The following SLC24A2 variants were observed in gnomAD, a reference collection of about 807,000 sequenced individuals.
SLC24A2 encodes the protein solute carrier family 24 member 2.
A neutral mutation model predicts 62.0 loss-of-function variants in SLC24A2; 36 were observed. The observed-to-expected ratio is 0.58, with a 90% CI of 0.44 to 0.77. The LOEUF (loss-of-function observed/expected upper bound fraction) is 0.77. SLC24A2 is among the 30% of genes least tolerant of loss of function. SLC24A2 has a pLI of 0.00. For synonymous variants in SLC24A2, 358 were observed against 294.0 expected, an observed-to-expected ratio of 1.22 and a Z score of -2.23; for missense variants, 846 against 817.9, an observed-to-expected ratio of 1.03 and a Z score of -0.42.
chr9:19,567,944 C>G (rs187125037), intron 7 of SLC24A2, among the ~76,000 whole-genome samples: 1 of 152,078 alleles, frequency 6.6e-6, no homozygotes, highest in African/African-American at 2.4e-5. Flanking sequence ...AGAAACCTCT[C>G]GGAGATGAGG....
At chr9:19,762,793 CT>C (rs58241037) in intron 2 of SLC24A2, among the ~76,000 whole-genome samples, 6,219 of 102,338 alleles carry the variant, frequency 0.061, 272 homozygotes, top group Middle Eastern at 0.18. Context: ...GCTATATGTG[CT>C]TTTTTTTTTT....
chr9:19,962,967 C>T, the SLC24A2 span, among the ~76,000 whole-genome samples: 2 of 152,102 alleles, frequency 1.3e-5, no homozygotes, highest in African/African-American at 4.8e-5. Context: ...CCAGTTTTTG[C>T]CCATTCAGTA....
At chr9:19,787,166 T>A in intron 1 of SLC24A2, 147 bp from the exon 2 acceptor site, 1 of 257,134 alleles carries the variant, frequency 3.9e-6, no homozygotes. Context: ...TTTCCTCATT[T>A]AAAATGGGGA....
chr9:20,141,734 T>C, the SLC24A2 span, among the ~76,000 whole-genome samples: 1 of 152,002 alleles, frequency 6.6e-6, no homozygotes, highest in African/African-American at 2.4e-5. Flanking sequence ...ACTCAAGCCC[T>C]TCCATCACCC....
At chr9:19,881,672 T>A in the SLC24A2 span, among the ~76,000 whole-genome samples, 1 of 152,218 alleles carries the variant, frequency 6.6e-6, no homozygotes, top group Admixed American at 6.5e-5. Context: ...TAGGCAACAT[T>A]GCCAGTACTC....
At chr9:19,659,547 T>G (rs1027605402) in intron 2 of SLC24A2, among the ~76,000 whole-genome samples, 13 of 152,174 alleles carry the variant, frequency 8.5e-5, no homozygotes, top group Non-Finnish European at 1.3e-4. Context: ...AATTCAGGGC[T>G]GTGAAGGTAA....
the SLC24A2 span, among the ~76,000 whole-genome samples, chr9:19,856,419 G>A: frequency 2.0e-5 from 3 of 152,206 alleles, no homozygotes; most frequent in African/African-American, 7.2e-5. Context: ...TCATCTTCAT[G>A]AGCTTATCTA....
At chr9:19,889,198 G>A in the SLC24A2 span, among the ~76,000 whole-genome samples, 2 of 152,140 alleles carry the variant, frequency 1.3e-5, no homozygotes, top group Admixed American at 1.3e-4. Context: ...GATTTACACT[G>A]GGAAGGATAT....
the SLC24A2 span, among the ~76,000 whole-genome samples, chr9:20,278,853 T>A: frequency 6.6e-6 from 1 of 152,174 alleles, no homozygotes; most frequent in Non-Finnish European, 1.5e-5. Context: ...TTTATTGTAT[T>A]AGTCCATTCT....
chr9:20,252,343 C>T, the SLC24A2 span, among the ~76,000 whole-genome samples: 66,662 of 152,024 alleles, frequency 0.44, 16,347 homozygotes, highest in East Asian at 0.9. Context: ...TTCATGTATT[C>T]GGGGATGACA....
the SLC24A2 span, among the ~76,000 whole-genome samples, chr9:19,951,887 A>C: frequency 6.6e-6 from 1 of 152,134 alleles, no homozygotes; most frequent in South Asian, 2.1e-4. Flanking sequence ...CAAGGATTTT[A>C]ATTGGGGTTA....
the SLC24A2 span, among the ~76,000 whole-genome samples, chr9:19,997,277 A>AAGAAAG: frequency 6.6e-6 from 1 of 152,176 alleles, no homozygotes; most frequent in South Asian, 2.1e-4. Context: ...GGGGCACAGA[A>AAGAAAG]AGAAAGAGAA....
intron 7 of SLC24A2, among the ~76,000 whole-genome samples, chr9:19,553,388 G>A (rs2132760951): frequency 6.6e-6 from 1 of 152,214 alleles, no homozygotes; most frequent in South Asian, 2.1e-4. Context: ...AGTGTCCATA[G>A]AAAACAAAAC....
chr9:20,233,715 A>G, the SLC24A2 span, among the ~76,000 whole-genome samples: 2 of 152,190 alleles, frequency 1.3e-5, no homozygotes, highest in African/African-American at 4.8e-5. Context: ...TGAAGCATTT[A>G]GTCCATTTAC....
the SLC24A2 span, among the ~76,000 whole-genome samples, chr9:20,154,150 C>T: frequency 6.6e-6 from 1 of 151,794 alleles, no homozygotes; most frequent in East Asian, 1.9e-4. Flanking sequence ...AAATGAGATA[C>T]AATAGCAAAT....
chr9:20,020,854 G>A, the SLC24A2 span, among the ~76,000 whole-genome samples: 1 of 152,034 alleles, frequency 6.6e-6, no homozygotes, highest in Admixed American at 6.6e-5. Flanking sequence ...GAAAGTCAAA[G>A]GAAAACTTGG....
the SLC24A2 span, among the ~76,000 whole-genome samples, chr9:20,166,936 G>A: frequency 6.6e-6 from 1 of 151,920 alleles, no homozygotes; most frequent in Non-Finnish European, 1.5e-5. Flanking sequence ...AACTGCCCAG[G>A]CTCAACCTAA....
At chr9:20,047,093 A>T in the SLC24A2 span, among the ~76,000 whole-genome samples, 1 of 152,064 alleles carries the variant, frequency 6.6e-6, no homozygotes, top group South Asian at 2.1e-4. Flanking sequence ...GCCTATCAGC[A>T]CCAGAGACTC....
chr9:19,579,323 TG>T (rs917353052), intron 5 of SLC24A2, among the ~76,000 whole-genome samples: 2 of 152,214 alleles, frequency 1.3e-5, no homozygotes, highest in African/African-American at 4.8e-5. Context: ...GATACTTTCC[TG>T]GCTGCCAAAC....
Sources: allele counts gnomAD v4.1 joint callset (sites outside exome capture counted in the v4.1 genomes callset), GRCh38; gene constraint gnomAD v4.1.1; transcripts MANE v1.5; gene names NCBI Gene and HGNC (gene_info 2026-07-23, HGNC 2026-07-21).